The following PRIM2 variants were observed in gnomAD, a reference collection of about 807,000 sequenced individuals.
PRIM2 encodes the protein DNA primase subunit 2.
A neutral mutation model predicts 67.3 loss-of-function variants in PRIM2; 39 were observed. That is an observed-to-expected ratio of 0.58 (90% CI 0.45 to 0.76). The LOEUF is 0.76. Among genes scored for constraint, PRIM2 ranks in the 30% least tolerant of loss-of-function variants. PRIM2 has a pLI of 0.00. For synonymous variants in PRIM2, 143 were observed against 198.7 expected (o/e 0.72, Z 2.36); for missense variants, 398 against 598.7 (o/e 0.66, Z 3.50).
intron 5 of PRIM2, among the ~76,000 whole-genome samples, chr6:57,329,320 C>T (rs4715657): frequency 0.6 from 90,749 of 151,838 alleles, 27,186 homozygotes; most frequent in South Asian, 0.71. Flanking sequence ...TTTCTATACA[C>T]GGTGTGAAGT....
chr6:57,290,496 C>T, the PRIM2 span, among the ~76,000 whole-genome samples: 2 of 152,126 alleles, frequency 1.3e-5, no homozygotes, highest in Non-Finnish European at 2.9e-5. Context: ...ACCTCTGGAC[C>T]AAGTGGACCT....
the PRIM2 span, among the ~76,000 whole-genome samples, chr6:57,248,225 G>A: frequency 1.3e-5 from 2 of 152,104 alleles, no homozygotes; most frequent in South Asian, 2.1e-4. Context: ...TGGTAGGAGC[G>A]GTTTCAAATT....
intron 8 of PRIM2, among the ~76,000 whole-genome samples, chr6:57,523,173 C>T (rs1774662242): frequency 6.6e-6 from 1 of 152,224 alleles, no homozygotes; most frequent in Admixed American, 6.5e-5. Context: ...GTGAAAAATA[C>T]TGTGATAAAC....
At chr6:57,500,109 T>A (rs1359697443) in intron 7 of PRIM2, among the ~76,000 whole-genome samples, 1 of 152,218 alleles carries the variant, frequency 6.6e-6, no homozygotes, top group African/African-American at 2.4e-5. Flanking sequence ...CCTCTCCATC[T>A]TCCCCTTCTC....
At chr6:57,473,341 G>A (rs1165478789) in intron 7 of PRIM2, among the ~76,000 whole-genome samples, 1 of 152,182 alleles carries the variant, frequency 6.6e-6, no homozygotes, top group Admixed American at 6.5e-5. Context: ...GATGTTTATC[G>A]TCCTTATAGC....
chr6:57,224,938 C>T, the PRIM2 span, among the ~76,000 whole-genome samples: 3 of 152,222 alleles, frequency 2.0e-5, no homozygotes, highest in Non-Finnish European at 4.4e-5. Context: ...GTTGTTCCTC[C>T]TCCCCATCCC....
the PRIM2 span, among the ~76,000 whole-genome samples, chr6:57,241,054 T>A: frequency 6.6e-6 from 1 of 151,492 alleles, no homozygotes; most frequent in Non-Finnish European, 1.5e-5. Flanking sequence ...TGAAACTCTG[T>A]CTCTACTAAA....
At chr6:57,261,075 T>C in the PRIM2 span, among the ~76,000 whole-genome samples, 7,475 of 152,246 alleles carry the variant, frequency 0.049, 232 homozygotes, top group Non-Finnish European at 0.072. Flanking sequence ...GTATTTTCAT[T>C]TCCCTCATGC....
At chr6:57,511,650 T>G (rs1774371146) in intron 8 of PRIM2, among the ~76,000 whole-genome samples, 1 of 152,080 alleles carries the variant, frequency 6.6e-6, no homozygotes, top group Admixed American at 6.6e-5. Flanking sequence ...TTTTGTTGTT[T>G]TATTCTTAGT....
chr6:57,393,428 A>C (rs1770423538), intron 7 of PRIM2, among the ~76,000 whole-genome samples: 1 of 152,030 alleles, frequency 6.6e-6, no homozygotes, highest in Non-Finnish European at 1.5e-5. Flanking sequence ...ATTTTTTCAT[A>C]TGTTTGCCGG....
the PRIM2 span, among the ~76,000 whole-genome samples, chr6:57,296,667 G>A: frequency 1.3e-5 from 2 of 151,926 alleles, no homozygotes; most frequent in African/African-American, 4.8e-5. Flanking sequence ...GTGCGTGTCT[G>A]TGCATACTTA....
At chr6:57,226,952 A>G in the PRIM2 span, among the ~76,000 whole-genome samples, 1 of 152,184 alleles carries the variant, frequency 6.6e-6, no homozygotes, top group East Asian at 1.9e-4. Context: ...TAATCTGTTC[A>G]TTCTAAATTC....
At chr6:57,221,937 C>A in the PRIM2 span, 2 of 152,562 alleles carry the variant, frequency 1.3e-5, no homozygotes, top group Non-Finnish European at 2.9e-5. Flanking sequence ...GCTGAGTCTT[C>A]CCCAGTGGAG....
intron 7 of PRIM2, among the ~76,000 whole-genome samples, chr6:57,434,724 G>A (rs992926954): frequency 1.3e-5 from 2 of 151,904 alleles, no homozygotes; most frequent in African/African-American, 2.4e-5. Flanking sequence ...TGAAAGTGTA[G>A]TGTATTTTTT....
At chr6:57,507,752 A>G (rs1774279965) in intron 8 of PRIM2, among the ~76,000 whole-genome samples, 1 of 152,130 alleles carries the variant, frequency 6.6e-6, no homozygotes, top group South Asian at 2.1e-4. Flanking sequence ...TGAGCTATTT[A>G]CGTAAATACA....
At chr6:57,243,696 G>A in the PRIM2 span, among the ~76,000 whole-genome samples, 2 of 152,110 alleles carry the variant, frequency 1.3e-5, no homozygotes, top group Non-Finnish European at 2.9e-5. Context: ...GGCTGGTCTC[G>A]AATTCTGACT....
At chr6:57,524,296 T>C (rs1774694377) in intron 8 of PRIM2, among the ~76,000 whole-genome samples, 1 of 152,248 alleles carries the variant, frequency 6.6e-6, no homozygotes, top group African/African-American at 2.4e-5. Flanking sequence ...AAACTAGCCA[T>C]GCTGGCCTCT....
Position 57,320,463 on chromosome 6 carries a change from A to G in PRIM2, c.161A>G (p.Lys54Arg), listed in dbSNP as rs754109557. 6.3e-7 allele frequency: 1 copy of G among 1,596,528 alleles called. No individual in the cohort carries two copies. The highest frequency in any genetic ancestry group is 1.7e-5 in the Admixed American group (1 of 57,368). ...NLAIDRVKLLKSVENLGVSYV... is the reference protein window; with the variant it reads ...NLAIDRVKLLRSVENLGVSYV... ...CCTTTTTTCTTTTTTTTAGTGTTAA[A>G]ATCAGTTGAAAATCTTGGAGTGAGC... The change falls in exon 3 of 14, where the codon AAA (lysine) becomes AGA (arginine). Residue 54 changes from lysine (K) to arginine (R), a missense_variant. Lys to Arg is a conservative substitution (Grantham distance 26, BLOSUM62 2). This residue lies in a region of PRIM2 where 96 missense variants were observed against 98.3 expected (regional missense o/e 0.98). Transcript: ENST00000615550.
chr6:57,358,893 G>T (rs531878671), intron 5 of PRIM2, among the ~76,000 whole-genome samples: 1 of 152,190 alleles, frequency 6.6e-6, no homozygotes, highest in East Asian at 1.9e-4. Context: ...TTGAGAAGTG[G>T]GATCTATGTC....
Sources: allele counts gnomAD v4.1 joint callset (sites outside exome capture counted in the v4.1 genomes callset), GRCh38; gene constraint gnomAD v4.1.1; regional missense constraint gnomAD v4.1.1; transcripts MANE v1.5; gene names NCBI Gene and HGNC (gene_info 2026-07-23, HGNC 2026-07-21).